The following DDRGK1 variants were observed in gnomAD, a reference collection of about 807,000 sequenced individuals.
DDRGK1 encodes DDRGK domain containing 1.
DDRGK1 carries 38 observed loss-of-function variants against 45.8 expected under a neutral mutation model. The ratio of observed to expected loss-of-function variants is 0.83; its 90% CI spans 0.64 to 1.09. DDRGK1 has a LOEUF of 1.09. DDRGK1 is among the 50% of genes least tolerant of loss of function. The probability of loss-of-function intolerance (pLI) is 0.00; values close to 1 mark genes in which losing one functional copy is unlikely to be tolerated. For synonymous variants in DDRGK1, 171 were observed against 168.7 expected, an observed-to-expected ratio of 1.01 and a Z score of -0.11; for missense variants, 403 against 419.9, an observed-to-expected ratio of 0.96 and a Z score of 0.35.
At chr20:3,197,444 C>A (rs1600474243) in intron 4 of DDRGK1, among the ~76,000 whole-genome samples, 1 of 152,208 alleles carries the variant, frequency 6.6e-6, no homozygotes, top group South Asian at 2.1e-4. Flanking sequence ...AAAACCGCAG[C>A]CAGGCGACCA....
Position 3,191,617 on chromosome 20 carries a change from G to A in DDRGK1, c.729+148C>T, listed in dbSNP as rs2066989687. 4 of 935,650 alleles carry A rather than the reference G, an allele frequency of 4.3e-6. No homozygotes were observed. The East Asian group carries it at 1.0e-4, about 24-fold the overall frequency. 58.0% of individuals were successfully genotyped at this position (935,650 alleles called of 1,614,324 possible). ...GTCCATTAAAAATGCAGGATTCCCA[G>A]GGTGCCAGGAGACTTCTGTGCACTA... On this transcript the variant is annotated intron_variant, in intron 7 of 8. Transcript: ENST00000354488.
rs1213662187 is a variant in DDRGK1 at position 3,203,276 on chromosome 20, G to A, written c.232C>T (p.Arg78Cys). ...RDLGSRLQAQRRAQRVAWAEA... is the reference protein window; with the variant it reads ...RDLGSRLQAQCRAQRVAWAEA... ...GCCCAGGCCACCCGCTGGGCTCGAC[G>A]CTGGGCCTGTAGGCGGCTGCCCAGG... is the stretch of plus-strand genomic sequence containing the variant. Residue 78 changes from arginine (R) to cysteine (C), a missense_variant, in exon 2 of 9, where the codon CGT becomes TGT. By Grantham distance (180) the Arg-to-Cys change is radical. Transcript: ENST00000354488. 12 of 1,607,218 alleles carry A rather than the reference G, an allele frequency of 7.5e-6. No homozygotes were observed. The highest frequency in any genetic ancestry group is 3.3e-4 in the Middle Eastern group (2 of 6,022).
At chr20:3,195,530 C>T (rs1383111805) in intron 4 of DDRGK1, among the ~76,000 whole-genome samples, 177 bp from the exon 5 acceptor site, 3 of 152,242 alleles carry the variant, frequency 2.0e-5, no homozygotes, top group South Asian at 4.1e-4. Context: ...GGCCGAGGCC[C>T]CTCTTGTCAT....
chr20:3,196,419 T>A (rs2067009797), intron 4 of DDRGK1, among the ~76,000 whole-genome samples: 1 of 152,014 alleles, frequency 6.6e-6, no homozygotes, highest in African/African-American at 2.4e-5. Context: ...GGCTCACGCC[T>A]GTAATCCCAG....
Position 3,198,715 on chromosome 20 carries a change from A to AC in DDRGK1, c.510+1285_510+1286insG, listed in dbSNP as rs1242339668. 3.6e-3 allele frequency among the ~76,000 whole-genome samples: 501 copies of AC among 139,608 alleles called. 6 individuals are homozygous for AC. The highest frequency in any genetic ancestry group is 6.0e-3 in the Non-Finnish European group (382 of 63,958). 91.6% of individuals were successfully genotyped at this position (139,608 alleles called of 152,430 possible). On this transcript the variant is annotated intron_variant, in intron 4 of 8. Coordinates refer to ENST00000354488, the MANE Select transcript of DDRGK1 (RefSeq NM_023935.3). ...AACTCCGTTTCAAAAAAAAAAAAAA[A>AC]AAAACAAAACAGAAATTCTGATAAA...
chr20:3,196,114 A>G (rs2067008733), intron 4 of DDRGK1, among the ~76,000 whole-genome samples: 1 of 152,026 alleles, frequency 6.6e-6, no homozygotes. Context: ...TCCCAAACAC[A>G]CAACGGTCCA....
chr20:3,195,092 C>G (rs2067004391), intron 5 of DDRGK1, 139 bp downstream of exon 5: 3 of 1,472,786 alleles, frequency 2.0e-6, no homozygotes, highest in African/African-American at 2.8e-5. Context: ...CCTCTGGCCA[C>G]TAAAGCCTGC....
At chr20:3,197,882 G>A (rs768557210) in intron 4 of DDRGK1, among the ~76,000 whole-genome samples, 2 of 147,762 alleles carry the variant, frequency 1.4e-5, no homozygotes, top group Admixed American at 6.8e-5. Flanking sequence ...GTGAGCTATC[G>A]CGCCACTGCA....
chr20:3,204,034 G>A (rs891003200), intron 1 of DDRGK1, among the ~76,000 whole-genome samples: 1 of 152,210 alleles, frequency 6.6e-6, no homozygotes, highest in African/African-American at 2.4e-5. Flanking sequence ...GATTGGGGAG[G>A]GAGAGTGGGC....
At chr20:3,193,423 T>C (rs1341652161) in intron 6 of DDRGK1, among the ~76,000 whole-genome samples, 1 of 151,894 alleles carries the variant, frequency 6.6e-6, no homozygotes, top group Non-Finnish European at 1.5e-5. Context: ...CAGGCTGGAG[T>C]GCAGTGGCAC....
intron 7 of DDRGK1, 90 bp from the exon 8 acceptor site, chr20:3,191,328 T>G: frequency 7.1e-7 from 1 of 1,408,414 alleles, no homozygotes; most frequent in Non-Finnish European, 1.0e-6. Flanking sequence ...GCCAAATCTC[T>G]TTATTTCCCT....
At chr20:3,195,174 T>C in intron 5 of DDRGK1, 57 bp downstream of exon 5, 1 of 1,611,480 alleles carries the variant, frequency 6.2e-7, no homozygotes, top group Non-Finnish European at 8.5e-7. Flanking sequence ...GCCTTGCGTC[T>C]GGCACAGGCT....
Position 3,194,848 on chromosome 20 carries a change from C to G in DDRGK1, c.654G>C (p.Glu218Asp). 1.2e-6 allele frequency: 2 copies of G among 1,614,156 alleles called. No individual in the cohort carries two copies. The highest frequency in any genetic ancestry group is 1.7e-6 in the Non-Finnish European group (2 of 1,180,010). Residue 218 changes from glutamate to aspartate, a missense_variant, in exon 6 of 9, where the codon GAG becomes GAC. Glu to Asp is a conservative substitution (Grantham distance 45, BLOSUM62 2). Coordinates refer to ENST00000354488, the MANE Select transcript of DDRGK1 (RefSeq NM_023935.3). ...TTCTTACCTTGATGTAGTTGATGAA[C>G]TCTGTCAGGAAGCTCTGGGACTAGA... is the stretch of plus-strand genomic sequence containing the variant. ...TEEQSQSFLT[E>D]FINYIKQSKV...
In DDRGK1 at chr20:3,200,472, AAG is replaced by A; in HGVS notation, c.296-20_296-19del. Reference sequence around the variant, plus strand: ...CTCCTGGGCTGGGTATGGTCAAAGAAAGACAGTTCAGGTTCTGACCAGAGAGG... The same window carrying A: ...CTCCTGGGCTGGGTATGGTCAAAGAAACAGTTCAGGTTCTGACCAGAGAGG... On this transcript the variant is annotated intron_variant, in intron 2 of 8. Coordinates refer to ENST00000354488, the MANE Select transcript of DDRGK1 (RefSeq NM_023935.3). The A allele has an allele frequency of 6.4e-7, 1 of 1,556,310 alleles. No individual in the cohort carries two copies.
At chr20:3,198,099 T>C (rs2067019557) in intron 4 of DDRGK1, among the ~76,000 whole-genome samples, 1 of 86,422 alleles carries the variant, frequency 1.2e-5, no homozygotes, top group Non-Finnish European at 2.2e-5. Context: ...TCCATCTCTC[T>C]TAAAAAAAAA....
chr20:3,194,742 G>A, intron 6 of DDRGK1, 88 bp downstream of exon 6: 3 of 1,549,552 alleles, frequency 1.9e-6, no homozygotes, highest in Non-Finnish European at 2.7e-6. Flanking sequence ...GAGCCTGAAT[G>A]CCCTGCCTGC....
chr20:3,196,942 G>A (rs985266500), intron 4 of DDRGK1, among the ~76,000 whole-genome samples: 4 of 151,936 alleles, frequency 2.6e-5, no homozygotes, highest in Admixed American at 6.6e-5. Flanking sequence ...AAAATGGCTG[G>A]TCGGGCACGG....
chr20:3,192,708 C>T (rs1316554984), intron 6 of DDRGK1, among the ~76,000 whole-genome samples: 1 of 152,240 alleles, frequency 6.6e-6, no homozygotes. Flanking sequence ...TCCACACAGG[C>T]ACCTGCCCCC....
In DDRGK1 at chr20:3,191,774, T is replaced by C; in HGVS notation, c.720A>G (p.Leu240=). Residue 240 remains leucine, a synonymous_variant, in exon 7 of 9, where the codon CTA becomes CTG. Transcript: ENST00000354488. The stretch of plus-strand genomic sequence containing the variant: ...ACGTTCCAGGGCTTACCTGAGTGCG[T>C]AGGCCCACCTGGGAAGCCAGGTCTT... ...LLEDLASQVG[L]RTQDTINRIQ... The C allele has an allele frequency of 1.2e-6, 2 of 1,606,126 alleles. No individual in the cohort carries two copies. The highest frequency in any genetic ancestry group is 1.3e-5 in the African/African-American group (1 of 74,930).
Sources: gnomAD v4.1 joint callset for allele counts (sites outside exome capture counted in the v4.1 genomes callset) on GRCh38, gnomAD v4.1.1 for gene constraint, MANE v1.5 for transcripts, NCBI Gene and HGNC (gene_info 2026-07-23, HGNC 2026-07-21) for gene names.